Variants in ZNF618 observed in about 807,000 individuals in gnomAD.
ZNF618 encodes the protein zinc finger protein 618.
In ZNF618, 34 loss-of-function variants were observed where a neutral mutation model predicts 103.0. The observed-to-expected ratio is 0.33, with a 90% CI of 0.25 to 0.44. ZNF618 has a LOEUF of 0.44. Ranked by LOEUF, ZNF618 falls within the 20% of genes least tolerant of loss-of-function variation. The pLI, the probability that ZNF618 is intolerant of heterozygous loss-of-function variation, is 1.00. For synonymous variants in ZNF618, 551 were observed against 542.2 expected (o/e 1.02, Z -0.23); for missense variants, 1,059 against 1,295.4 (o/e 0.82, Z 2.80).
At chr9:114,000,575 A>C (rs1213845304) in intron 4 of ZNF618, among the ~76,000 whole-genome samples, 1 of 135,836 alleles carries the variant, frequency 7.4e-6, no homozygotes, top group Non-Finnish European at 1.7e-5. Context: ...GGAAAACCAA[A>C]AGGTTGGACC....
At chr9:113,899,720 T>TAC (rs1830349222) in intron 1 of ZNF618, among the ~76,000 whole-genome samples, 1 of 152,342 alleles carries the variant, frequency 6.6e-6, no homozygotes, top group African/African-American at 2.4e-5. Context: ...GAAGTGGACT[T>TAC]ACACAGCATT....
intron 1 of ZNF618, among the ~76,000 whole-genome samples, chr9:113,940,469 T>A (rs1245767115): frequency 1.3e-5 from 2 of 152,176 alleles, no homozygotes; most frequent in African/African-American, 4.8e-5. Context: ...CTGATTTTTT[T>A]CTTCCTGTTT....
chr9:113,935,595 G>C (rs926708272), intron 1 of ZNF618, among the ~76,000 whole-genome samples: 3 of 152,170 alleles, frequency 2.0e-5, no homozygotes, highest in African/African-American at 7.2e-5. Flanking sequence ...TGTTCCTCCT[G>C]CTGGCTGACC....
At chr9:113,944,462 TGAGACGG>T (rs1347983410) in intron 1 of ZNF618, among the ~76,000 whole-genome samples, 4 of 152,110 alleles carry the variant, frequency 2.6e-5, no homozygotes, top group Non-Finnish European at 4.4e-5. Context: ...TATTTTTCAT[TGAGACGG>T]GATTTTGCCA....
chr9:114,035,617 C>A (rs112820041), intron 12 of ZNF618, among the ~76,000 whole-genome samples: 7 of 83,806 alleles, frequency 8.4e-5, no homozygotes, highest in Non-Finnish European at 1.8e-4. Context: ...CTGTCCTTCT[C>A]CCTCTTCCTT....
At chr9:114,033,389 A>AAGAGAG (rs10624141) in intron 12 of ZNF618, among the ~76,000 whole-genome samples, 7,453 of 147,066 alleles carry the variant, frequency 0.051, 346 homozygotes, top group East Asian at 0.27. Context: ...CTGTCTCAAA[A>AAGAGAG]AGAGAGAGAG....
chr9:113,906,331 G>T (rs899835146), intron 1 of ZNF618, among the ~76,000 whole-genome samples: 1 of 152,292 alleles, frequency 6.6e-6, no homozygotes. Flanking sequence ...GATGCCAGAG[G>T]TTATGGCTCT....
At chr9:113,878,538 T>A (rs558131240) in intron 1 of ZNF618, among the ~76,000 whole-genome samples, 2 of 152,288 alleles carry the variant, frequency 1.3e-5, no homozygotes, top group South Asian at 4.1e-4. Flanking sequence ...GAATTGAAAT[T>A]TGACAGATGA....
chr9:113,954,838 C>T (rs1836108744), intron 1 of ZNF618, among the ~76,000 whole-genome samples: 1 of 152,168 alleles, frequency 6.6e-6, no homozygotes, highest in Non-Finnish European at 1.5e-5. Context: ...GCCTGGGGTA[C>T]TTCTTCTCAC....
At chr9:113,967,878 G>A (rs952271594) in intron 1 of ZNF618, among the ~76,000 whole-genome samples, 1 of 152,260 alleles carries the variant, frequency 6.6e-6, no homozygotes, top group Non-Finnish European at 1.5e-5. Flanking sequence ...GTAGGACTAG[G>A]TATCATGGGG....
chr9:113,934,049 G>T (rs117188417), intron 1 of ZNF618, among the ~76,000 whole-genome samples: 4,935 of 152,082 alleles, frequency 0.032, 112 homozygotes, highest in Non-Finnish European at 0.045. Flanking sequence ...GAGAGAAAGG[G>T]GACTGAAAGA....
chr9:113,997,229 T>TC (rs1039210257), intron 3 of ZNF618, among the ~76,000 whole-genome samples: 1 of 152,088 alleles, frequency 6.6e-6, no homozygotes, highest in African/African-American at 2.4e-5. Context: ...CACCTCAGCC[T>TC]CCCAAGTAGC....
chr9:113,988,432 G>A lies in ZNF618; in HGVS notation c.189G>A (p.Lys63=). 1 of 1,613,706 alleles carries A rather than the reference G, an allele frequency of 6.2e-7. No homozygotes were observed. Among genetic ancestry groups the A allele is most frequent in the Non-Finnish European group, 8.5e-7 (1 of 1,179,896 alleles). ...GAACGATGACGGAGGTGAAGGTGAA[G>A]ACAGAGCTGCCCGATGACTACATCC... ...EQGTMTEVKV[K]TELPDDYIQE... is the part of the protein sequence containing the mutation. Residue 63 remains lysine, a synonymous_variant, in exon 3 of 15, where the codon AAG becomes AAA. Transcript: ENST00000374126.
At chr9:114,032,619 CTT>C (rs747588833) in intron 11 of ZNF618, 24 bp from the exon 12 acceptor site, 24 of 1,611,734 alleles carry the variant, frequency 1.5e-5, no homozygotes, top group Non-Finnish European at 1.8e-5. Flanking sequence ...CCATTGTTTT[CTT>C]TCTCTCTCCT....
Position 113,886,926 on chromosome 9 carries a change from GAT to G in ZNF618, c.33+10518_33+10519del, listed in dbSNP as rs1829120172. On this transcript the variant is annotated intron_variant, in intron 1 of 14. Coordinates refer to ENST00000374126, the MANE Select transcript of ZNF618 (RefSeq NM_001318042.2). The stretch of plus-strand genomic sequence containing the variant: ...ATATTTTACATATTAGATTAAATAA[GAT>G]ATATTATTAATACTAATTTCATTGG... Among the ~76,000 whole-genome samples, 4 of 144,766 alleles carry G rather than the reference GAT, an allele frequency of 2.8e-5. No homozygotes were observed. In the South Asian group the frequency reaches 9.0e-4, roughly 32 times the overall value. The allele number at this position is 144,766 out of a possible 152,430, so 95.0% of individuals were successfully genotyped here. A position where few individuals can be genotyped will look rare whatever the true frequency, so the allele number is the denominator to read the frequency against.
At chr9:114,029,934 C>T (rs1843857622) in intron 11 of ZNF618, among the ~76,000 whole-genome samples, 1 of 152,230 alleles carries the variant, frequency 6.6e-6, no homozygotes, top group South Asian at 2.1e-4. Flanking sequence ...TTCTTAGATT[C>T]ACGTTTGGAT....
chr9:114,020,673 A>G (rs1445224853), intron 10 of ZNF618, among the ~76,000 whole-genome samples: 2 of 152,280 alleles, frequency 1.3e-5, no homozygotes, highest in East Asian at 1.9e-4. Context: ...AGCTAAATTT[A>G]CTTATTAGTT....
chr9:113,968,250 G>A (rs536480556), intron 1 of ZNF618, among the ~76,000 whole-genome samples: 1 of 152,278 alleles, frequency 6.6e-6, no homozygotes, highest in African/African-American at 2.4e-5. Context: ...CGGGGGCTCT[G>A]CCAGGGTTGT....
At chr9:113,945,287 A>T (rs545450220) in intron 1 of ZNF618, among the ~76,000 whole-genome samples, 2 of 152,076 alleles carry the variant, frequency 1.3e-5, no homozygotes, top group Admixed American at 1.3e-4. Context: ...TCAGGAAGGC[A>T]TTTCCTTATG....
Sources: gnomAD v4.1 joint callset for allele counts (sites outside exome capture counted in the v4.1 genomes callset) on GRCh38, gnomAD v4.1.1 for gene constraint, MANE v1.5 for transcripts, NCBI Gene and HGNC (gene_info 2026-07-23, HGNC 2026-07-21) for gene names.